Variants in FBXL18 observed in about 807,000 individuals in gnomAD.
FBXL18 encodes the protein F-box and leucine rich repeat protein 18, also known as F-box/LRR-repeat protein 18.
FBXL18 carries 36 observed loss-of-function variants against 46.0 expected under a neutral mutation model. The ratio of observed to expected loss-of-function variants is 0.78; its 90% CI spans 0.60 to 1.03. The LOEUF is 1.03. FBXL18 is among the 50% of genes least tolerant of loss of function. The pLI is 0.00. For synonymous variants in FBXL18, 557 were observed against 465.3 expected (o/e 1.20, Z -2.54); for missense variants, 977 against 1,004.1 (o/e 0.97, Z 0.36).
chr7:5,492,788 C>A (rs1783964836), intron 3 of FBXL18, among the ~76,000 whole-genome samples: 1 of 152,184 alleles, frequency 6.6e-6, no homozygotes, highest in African/African-American at 2.4e-5. Context: ...ACCAGCCAAG[C>A]AGTGCCAGGC....
chr7:5,492,566 A>C (rs1783958240), intron 3 of FBXL18, among the ~76,000 whole-genome samples: 1 of 152,050 alleles, frequency 6.6e-6, no homozygotes, highest in African/African-American at 2.4e-5. Context: ...ACTATGCAGG[A>C]GTCCTCACCT....
rs1784267186 is a variant in FBXL18, at chr7:5,501,731, G to C, written c.538C>G (p.Leu180Val). The C allele has an allele frequency of 1.3e-6, 2 of 1,573,026 alleles. No homozygotes were observed. The highest frequency in any genetic ancestry group is 2.7e-5 in the African/African-American group (2 of 74,200). The change falls in exon 3 of 5, where the codon CTG (leucine) becomes GTG (valine). Residue 180 changes from leucine (L) to valine (V), a missense_variant. Leu to Val is a conservative substitution (Grantham distance 32). Coordinates refer to ENST00000382368, the MANE Select transcript of FBXL18 (RefSeq NM_024963.6). ...ACCACGCCGTAGGAGGGAGTGAACA[G>C]CGTCTGCTTGAGCTCCCGCACGCGG... ...LSRVRELKQT[L>V]FTPSYGVVPC...
In FBXL18 at chr7:5,500,567, G is replaced by A; in HGVS notation, c.1702C>T (p.Leu568=). The change falls in exon 3 of 5, where the codon CTG becomes TTG. Residue 568 remains leucine (L), a synonymous_variant. Transcript: ENST00000382368. ...TACACCACCTTCCCCATCATGCCCA[G>A]GTTGGCCAGCGACAGGGACCGCAAC... ...QQLRSLSLAN[L]GMMGKVVYMP... is the part of the protein sequence containing the mutation. The A allele has an allele frequency of 6.2e-7, 1 of 1,613,614 alleles. No homozygotes were observed. Among genetic ancestry groups the A allele is most frequent in the Non-Finnish European group, 8.5e-7 (1 of 1,179,900 alleles).
chr7:5,507,786 A>G (rs1438710167), intron 1 of FBXL18, among the ~76,000 whole-genome samples: 1 of 152,060 alleles, frequency 6.6e-6, no homozygotes, highest in Non-Finnish European at 1.5e-5. Context: ...GGGAGCCAAG[A>G]TCACACCACT....
chr7:5,492,849 C>A (rs2128235933), intron 3 of FBXL18, among the ~76,000 whole-genome samples: 1 of 152,236 alleles, frequency 6.6e-6, no homozygotes, highest in East Asian at 1.9e-4. Context: ...AAGGAATGAA[C>A]CATCCCTGCC....
Position 5,513,784 on chromosome 7 carries a change from G to T in FBXL18, c.-110C>A. 2 of 1,444,554 alleles carry T rather than the reference G, an allele frequency of 1.4e-6. No individual in the cohort carries two copies. Among genetic ancestry groups the T allele is most frequent in the South Asian group, 1.3e-5 (1 of 76,582 alleles). The allele number at this position is 1,444,554 out of a possible 1,614,324, so 89.5% of individuals were successfully genotyped here. Reference sequence around the variant, plus strand: ...CGTCCACCGCTCAACCGAGACCCCGGCAAGGAGCGGGCTCTCGTCACTTCC... The same window carrying T: ...CGTCCACCGCTCAACCGAGACCCCGTCAAGGAGCGGGCTCTCGTCACTTCC... On this transcript the variant is annotated 5_prime_UTR_variant, in exon 1 of 5. Transcript: ENST00000382368.
At chr7:5,458,925 T>C (rs544959872) in intron 4 of FBXL18, among the ~76,000 whole-genome samples, 29 of 151,596 alleles carry the variant, frequency 1.9e-4, no homozygotes, top group East Asian at 9.8e-4. Flanking sequence ...GTTGGGAGGA[T>C]TGGTTGAGCC....
chr7:5,489,225 G>A (rs773563368), intron 4 of FBXL18: 8 of 518,264 alleles, frequency 1.5e-5, no homozygotes, highest in South Asian at 9.8e-5. Flanking sequence ...AGGACTCCAC[G>A]GTGTAGTGTT....
chr7:5,495,608 AGCAGGTG>A (rs1271903696), intron 3 of FBXL18, among the ~76,000 whole-genome samples: 2 of 152,202 alleles, frequency 1.3e-5, no homozygotes, highest in Non-Finnish European at 2.9e-5. Context: ...TGCCAGTGGC[AGCAGGTG>A]GCTGGCGTGG....
chr7:5,500,237 A>G (rs542887272), intron 3 of FBXL18, among the ~76,000 whole-genome samples: 1 of 152,086 alleles, frequency 6.6e-6, no homozygotes, highest in East Asian at 1.9e-4. Flanking sequence ...GATGACTCAT[A>G]GTAGGGCCAG....
rs60098250 is a variant in FBXL18 at position 5,511,438 on chromosome 7, AT to A, written c.18+2218del. Among the ~76,000 whole-genome samples, 1,067 of 151,782 alleles carry A rather than the reference AT, an allele frequency of 7.0e-3. 13 individuals are homozygous for A. Among genetic ancestry groups the A allele is most frequent in the African/African-American group, 0.024 (1,011 of 41,338 alleles). On this transcript the variant is annotated intron_variant, in intron 1 of 4. Transcript: ENST00000382368. ...TACTAAAAATACAAAAAAAAAATGT[AT>A]TTTTTTTACAAAAATACAAATGCGG...
Position 5,505,585 on chromosome 7 carries a change from T to C in FBXL18, c.64A>G (p.Met22Val), listed in dbSNP as rs1291596137. 4 of 1,613,960 alleles carry C rather than the reference T, an allele frequency of 2.5e-6. No homozygotes were observed. The highest frequency in any genetic ancestry group is 3.4e-6 in the Non-Finnish European group (4 of 1,179,964). ...CCTAGGAGGTGGACCCCGTCTGCCATCCCGGCTGCTGCAGGGTGCATGTCA... is the reference window on the plus strand; with the variant it reads ...CCTAGGAGGTGGACCCCGTCTGCCACCCCGGCTGCTGCAGGGTGCATGTCA... ...DDDMHPAAAG[M>V]ADGVHLLGFS... The change falls in exon 2 of 5, where the codon ATG (methionine) becomes GTG (valine). Residue 22 changes from methionine (M) to valine (V), a missense_variant. Physicochemically the swap from Met to Val is conservative, Grantham distance 21. Coordinates refer to ENST00000382368, the MANE Select transcript of FBXL18 (RefSeq NM_024963.6).
chr7:5,489,433 G>C, intron 4 of FBXL18: 1 of 447,952 alleles, frequency 2.2e-6, no homozygotes, highest in Non-Finnish European at 4.4e-6. Flanking sequence ...TCAGGAGTTA[G>C]AGACCAGCCT....
At position 5,500,914 on chromosome 7, in the gene FBXL18, A is replaced by C. The variant is rs201234577; in HGVS notation, c.1355T>G (p.Val452Gly). ...GGGACAGGACTGCACGCCCACACGC[A>C]CTTTCTTGCCAAAGCCGCGCGGCAC... Reference protein sequence around the residue: ...HAVPRGFGKKVRVGVQSCPSP... With the variant: ...HAVPRGFGKKGRVGVQSCPSP... The change falls in exon 3 of 5, where the codon GTG (valine) becomes GGG (glycine). Residue 452 changes from valine (V) to glycine (G), a missense_variant. Coordinates refer to ENST00000382368, the MANE Select transcript of FBXL18 (RefSeq NM_024963.6). The C allele has an allele frequency of 1.1e-5, 18 of 1,570,822 alleles. No individual in the cohort carries two copies. In the Admixed American group the frequency reaches 3.0e-4, roughly 26 times the overall value.
At chr7:5,466,363 T>A (rs1291045849) in intron 4 of FBXL18, among the ~76,000 whole-genome samples, 1 of 152,030 alleles carries the variant, frequency 6.6e-6, no homozygotes, top group African/African-American at 2.4e-5. Context: ...CTCCTGGAGG[T>A]GCTGGGGGAT....
chr7:5,464,864 G>C (rs569241452), intron 4 of FBXL18, among the ~76,000 whole-genome samples: 29 of 151,656 alleles, frequency 1.9e-4, no homozygotes, highest in Non-Finnish European at 4.0e-4. Flanking sequence ...AGGAGTTTGA[G>C]ACCAGCCTGG....
intron 1 of FBXL18, among the ~76,000 whole-genome samples, chr7:5,506,701 C>A (rs1784404332): frequency 6.6e-6 from 1 of 152,152 alleles, no homozygotes; most frequent in African/African-American, 2.4e-5. Context: ...GGATTAAAGG[C>A]ATGTGCCACC....
downstream of FBXL18, among the ~76,000 whole-genome samples, chr7:5,472,458 G>A (rs922289549): frequency 3.9e-5 from 6 of 152,176 alleles, no homozygotes; most frequent in Non-Finnish European, 7.3e-5. Flanking sequence ...TTGCTCTTGG[G>A]ACCCAGCTGC....
chr7:5,455,661 AG>A lies in FBXL18; in HGVS notation c.2001-7819del, dbSNP rs1462304225. On this transcript the variant is annotated intron_variant and NMD_transcript_variant, in intron 4 of 6. Transcript: ENST00000415009. This position sits in a 1 kb window ranked among gnomAD's most constrained non-coding sequence, Gnocchi z 4.6. ...GATTGCTGACCATCCACTTCCCCGCAGGGGGGCTCAAACCCAGGCTGTGAAT... is the reference window on the plus strand; with the variant it reads ...GATTGCTGACCATCCACTTCCCCGCAGGGGGCTCAAACCCAGGCTGTGAAT... Among the ~76,000 whole-genome samples, 3 of 152,018 alleles carry A rather than the reference AG, an allele frequency of 2.0e-5. No individual in the cohort carries two copies. Among genetic ancestry groups the A allele is most frequent in the African/African-American group, 4.8e-5 (2 of 41,368 alleles).
Sources: allele counts gnomAD v4.1 joint callset (sites outside exome capture counted in the v4.1 genomes callset), GRCh38; gene constraint gnomAD v4.1.1; non-coding constraint Gnocchi (gnomAD v3.1); transcripts MANE v1.5; gene names NCBI Gene and HGNC (gene_info 2026-07-23, HGNC 2026-07-21).